The following COL28A1 variants were observed in gnomAD, a reference collection of about 807,000 sequenced individuals.
COL28A1 encodes the protein collagen alpha-1(XXVIII) chain.
Under a neutral mutation model 150.2 loss-of-function variants are expected in COL28A1, and 161 were observed. The ratio of observed to expected loss-of-function variants is 1.07; its 90% confidence interval spans 0.94 to 1.22. The LOEUF (loss-of-function observed/expected upper bound fraction) is 1.22, where lower values mean the gene tolerates loss of function less well. Among genes scored for constraint, COL28A1 ranks in the 50% most tolerant of loss-of-function variants. The pLI, the probability that COL28A1 is intolerant of heterozygous loss-of-function variation, is 0.00. For synonymous variants in COL28A1, 552 were observed against 469.7 expected, an observed-to-expected ratio of 1.18 and a Z score of -2.26; for missense variants, 1,617 against 1,388.3, an observed-to-expected ratio of 1.16 and a Z score of -2.62.
chr7:7,379,826 G>A (rs1755201794), intron 30 of COL28A1, among the ~76,000 whole-genome samples: 1 of 152,004 alleles, frequency 6.6e-6, no homozygotes, highest in Admixed American at 6.6e-5. Context: ...ATCTACTATG[G>A]GCATCTTTCG....
In COL28A1 at chr7:7,535,788, A is replaced by T. The variant is rs901620214; in HGVS notation, c.-76T>A. The T allele has an allele frequency of 3.9e-5, 6 of 152,240 alleles. No homozygotes were observed. The highest frequency in any genetic ancestry group is 1.4e-4 in the African/African-American group (6 of 41,466). The allele number at this position is 152,240 out of a possible 1,614,324, so 9.4% of individuals were successfully genotyped here. A position where few individuals can be genotyped will look rare whatever the true frequency, so the allele number is the denominator to read the frequency against. ...TCAAACAGGAATTAAAGACTAGTTG[A>T]GTAAATGCCAACAGCAAGGACTGTG... On this transcript the variant is annotated 5_prime_UTR_variant, in exon 1 of 35. Transcript: ENST00000399429.
At chr7:7,474,312 G>C (rs749617296) in intron 15 of COL28A1, among the ~76,000 whole-genome samples, 65 of 151,926 alleles carry the variant, frequency 4.3e-4, no homozygotes, top group Non-Finnish European at 6.9e-4. Context: ...AAGAGGGTGA[G>C]GGATAAAAGA....
intron 27 of COL28A1, among the ~76,000 whole-genome samples, chr7:7,400,452 G>T (rs1190185169): frequency 6.6e-6 from 1 of 152,170 alleles, no homozygotes; most frequent in African/African-American, 2.4e-5. Context: ...TGTGTCTATA[G>T]AAGCTGGAAA....
intron 5 of COL28A1, among the ~76,000 whole-genome samples, 155 bp downstream of exon 5, chr7:7,521,750 T>C (rs1393861555): frequency 6.6e-6 from 1 of 152,216 alleles, no homozygotes; most frequent in Non-Finnish European, 1.5e-5. Context: ...TGTGTCCCTT[T>C]AGAAATAAAA....
chr7:7,447,547 G>C (rs1441970290), intron 18 of COL28A1, among the ~76,000 whole-genome samples: 1 of 151,986 alleles, frequency 6.6e-6, no homozygotes, highest in African/African-American at 2.4e-5. Context: ...ACCAGTAGTA[G>C]AATTAGGAGG....
At chr7:7,367,437 A>G (rs2128281379) in intron 33 of COL28A1, among the ~76,000 whole-genome samples, 1 of 152,198 alleles carries the variant, frequency 6.6e-6, no homozygotes, top group East Asian at 1.9e-4. Flanking sequence ...GCTTCTTTAA[A>G]AAGAGCCAGA....
chr7:7,382,263 T>C (rs146148026), intron 27 of COL28A1, among the ~76,000 whole-genome samples: 5,961 of 151,756 alleles, frequency 0.039, 385 homozygotes, highest in African/African-American at 0.14. Flanking sequence ...TAAGCTGAGA[T>C]TGCACCACTG....
intron 15 of COL28A1, among the ~76,000 whole-genome samples, chr7:7,460,764 T>C (rs147285984): frequency 6.6e-6 from 1 of 152,352 alleles, no homozygotes; most frequent in East Asian, 1.9e-4. Flanking sequence ...GCTTTGCTGA[T>C]GGTAGAAGTC....
At chr7:7,352,288 T>A (rs1294619), downstream of COL28A1, among the ~76,000 whole-genome samples, 2 of 152,226 alleles carry the variant, frequency 1.3e-5, no homozygotes, top group African/African-American at 2.4e-5. Flanking sequence ...GTCTTCGCTC[T>A]TAAGTAGCTC....
At chr7:7,408,567 A>G (rs1458635142) in intron 27 of COL28A1, among the ~76,000 whole-genome samples, 2 of 152,194 alleles carry the variant, frequency 1.3e-5, no homozygotes, top group Non-Finnish European at 2.9e-5. Context: ...CAAACAGGAA[A>G]GAACTTGGTA....
chr7:7,429,979 T>C (rs1168835719), intron 25 of COL28A1, among the ~76,000 whole-genome samples: 1 of 152,206 alleles, frequency 6.6e-6, no homozygotes, highest in Non-Finnish European at 1.5e-5. Context: ...TTGAACCCTT[T>C]GTTTCTTACC....
intron 1 of COL28A1, among the ~76,000 whole-genome samples, chr7:7,534,752 G>A (rs974177457): frequency 2.6e-5 from 4 of 152,090 alleles, no homozygotes; most frequent in Non-Finnish European, 5.9e-5. Context: ...ATTTGTACCT[G>A]ATCCCTGTAT....
chr7:7,383,367 C>T (rs1781992153), intron 27 of COL28A1, among the ~76,000 whole-genome samples: 1 of 150,934 alleles, frequency 6.6e-6, no homozygotes, highest in Admixed American at 6.6e-5. Context: ...CAGTCCCCAC[C>T]TCTCAAGTTC....
At chr7:7,402,093 T>TC (rs1783239222) in intron 27 of COL28A1, among the ~76,000 whole-genome samples, 2 of 152,254 alleles carry the variant, frequency 1.3e-5, no homozygotes, top group South Asian at 4.2e-4. Flanking sequence ...TCCCAATGGG[T>TC]GAGGAGTTGC....
rs1175786058 is a variant in COL28A1, at chr7:7,360,472, A to G, written c.3123T>C (p.Ala1041=). 2.5e-6 allele frequency: 4 copies of G among 1,610,112 alleles called. No individual in the cohort carries two copies. The highest frequency in any genetic ancestry group is 1.7e-5 in the Admixed American group (1 of 59,084). The change falls in exon 34 of 35, where the codon GCT becomes GCC. Residue 1041 remains alanine (A), a synonymous_variant. Transcript: ENST00000399429. ...ATGAGGTAGTGGCAGGCAGATCATC[A>G]GCCCACGTTGGCTCTGGAGCCTTAT... ...EDDKAPEPTW[A]DDLPATTSSE... is the part of the protein sequence containing the mutation.
Position 7,489,550 on chromosome 7 carries a change from T to C in COL28A1, c.1096-93A>G, listed in dbSNP as rs145560892. 46 of 775,054 alleles carry C rather than the reference T, an allele frequency of 5.9e-5. No individual in the cohort carries two copies. The African/African-American group carries it at 7.1e-4, about 12-fold the overall frequency. The allele number at this position is 775,054 out of a possible 1,614,324, so 48.0% of individuals were successfully genotyped here. On this transcript the variant is annotated intron_variant, in intron 12 of 34. Coordinates refer to ENST00000399429, the MANE Select transcript of COL28A1 (RefSeq NM_001037763.3). Reference sequence around the variant, plus strand: ...CTCTCAAGATTTCAACAAGGATAAATAGCGAAATAGACAAAATGTTGGTTT... The same window carrying C: ...CTCTCAAGATTTCAACAAGGATAAACAGCGAAATAGACAAAATGTTGGTTT...
chr7:7,506,510 T>C (rs1780818992), intron 10 of COL28A1, among the ~76,000 whole-genome samples: 1 of 152,234 alleles, frequency 6.6e-6, no homozygotes. Flanking sequence ...CTAGATGGTG[T>C]CTAGGAGATT....
In COL28A1 at chr7:7,491,128, A is replaced by G. The variant is rs10259531; in HGVS notation, c.1027-482T>C. Among the ~76,000 whole-genome samples, 1,176 of 152,214 alleles carry G rather than the reference A, an allele frequency of 7.7e-3. 14 individuals carry two copies. Among genetic ancestry groups the G allele is most frequent in the African/African-American group, 0.026 (1,096 of 41,538 alleles). ...TCCTCCCCTGCGGCTGTCCTTTCTCAGCTTTCCTTCCCTGCTGATAAACCC... is the reference window on the plus strand; with the variant it reads ...TCCTCCCCTGCGGCTGTCCTTTCTCGGCTTTCCTTCCCTGCTGATAAACCC... On this transcript the variant is annotated intron_variant, in intron 11 of 34. Coordinates refer to ENST00000399429, the MANE Select transcript of COL28A1 (RefSeq NM_001037763.3).
chr7:7,507,036 G>T, intron 10 of COL28A1, 81 bp downstream of exon 10: 1 of 742,060 alleles, frequency 1.3e-6, no homozygotes, highest in South Asian at 1.6e-5. Context: ...ACTGGCAGAG[G>T]GTGCAAGTGG....
Sources: gnomAD v4.1 joint callset for allele counts (sites outside exome capture counted in the v4.1 genomes callset) on GRCh38, gnomAD v4.1.1 for gene constraint, MANE v1.5 for transcripts, NCBI Gene and HGNC (gene_info 2026-07-23, HGNC 2026-07-21) for gene names.